Variants in TMEM132D observed in about 807,000 individuals in gnomAD.
The protein encoded by TMEM132D is transmembrane protein 132D, also known as mature OL transmembrane protein.
TMEM132D carries 21 observed loss-of-function variants against 62.3 expected under a neutral mutation model. That is an observed-to-expected ratio of 0.34 (90% confidence interval 0.24 to 0.49). The LOEUF (loss-of-function observed/expected upper bound fraction) is 0.49, where lower values mean the gene tolerates loss of function less well. Among genes scored for constraint, TMEM132D ranks in the 20% least tolerant of loss-of-function variants. TMEM132D has a pLI of 0.99. For missense variants in TMEM132D, 1,346 were observed against 1,402.8 expected (o/e 0.96, Z 0.65); for synonymous variants, 621 against 575.6 (o/e 1.08, Z -1.13).
At chr12:129,760,421 T>C (rs1470586077) in intron 1 of TMEM132D, among the ~76,000 whole-genome samples, 2 of 138,356 alleles carry the variant, frequency 1.4e-5, no homozygotes, top group Admixed American at 1.6e-4. Flanking sequence ...AAGCTCCGCC[T>C]CCCGGGTTCA....
At chr12:129,268,814 T>C (rs1880769050) in intron 4 of TMEM132D, among the ~76,000 whole-genome samples, 1 of 151,970 alleles carries the variant, frequency 6.6e-6, no homozygotes, top group African/African-American at 2.4e-5. Flanking sequence ...GTGGCACATA[T>C]ACACCATGGA....
Position 129,207,490 on chromosome 12 carries a change from G to T in TMEM132D, c.1443+2030C>A, listed in dbSNP as rs1210223690. 2.6e-5 allele frequency among the ~76,000 whole-genome samples: 4 copies of T among 152,210 alleles called. No individual in the cohort carries two copies. The South Asian group carries it at 6.2e-4, about 24-fold the overall frequency. ...TGCTGTGGGTGTCTGTGAAGATTTT[G>T]CTGACGCTGCTCAGAAAAGGCCTTG... is the stretch of plus-strand genomic sequence containing the variant. On this transcript the variant is annotated intron_variant, in intron 5 of 8. Coordinates refer to ENST00000422113, the MANE Select transcript of TMEM132D (RefSeq NM_133448.3).
chr12:129,278,548 T>C (rs2135607135), intron 4 of TMEM132D, among the ~76,000 whole-genome samples: 1 of 152,246 alleles, frequency 6.6e-6, no homozygotes, highest in South Asian at 2.1e-4. Context: ...AAGACAGAAC[T>C]CTTGACTGTC....
At chr12:129,213,914 G>C (rs6486440) in intron 4 of TMEM132D, among the ~76,000 whole-genome samples, 73,893 of 152,038 alleles carry the variant, frequency 0.49, 18,833 homozygotes, top group East Asian at 0.68. Context: ...TATCTCAATA[G>C]ATTGAAATCT....
At chr12:129,838,953 C>CT (rs576777558) in intron 1 of TMEM132D, among the ~76,000 whole-genome samples, 25,312 of 133,168 alleles carry the variant, frequency 0.19, 2,811 homozygotes, top group East Asian at 0.53. Flanking sequence ...ACTTAAAACT[C>CT]TTTTTTTTTT....
intron 2 of TMEM132D, among the ~76,000 whole-genome samples, chr12:129,656,292 A>AAAGGGAAGAGATG (rs374594241): frequency 0.24 from 36,003 of 150,458 alleles, 4,598 homozygotes; most frequent in Admixed American, 0.29. Flanking sequence ...AGGGAAGAGA[A>AAAGGGAAGAGATG]GGAAGGAGAG....
chr12:129,415,745 T>C (rs1278962271), intron 3 of TMEM132D, among the ~76,000 whole-genome samples: 11 of 152,222 alleles, frequency 7.2e-5, no homozygotes, highest in Admixed American at 7.2e-4. Context: ...TCACTGAGGA[T>C]GGCAGGGAGG....
intron 2 of TMEM132D, among the ~76,000 whole-genome samples, chr12:129,629,043 TCTCC>T (rs1406012575): frequency 1.3e-5 from 2 of 151,790 alleles, no homozygotes; most frequent in African/African-American, 4.8e-5. Context: ...CTATCCCTTC[TCTCC>T]CTCCATCTGT....
chr12:129,839,117 A>ATTGTTTTTT (rs1873098011), intron 1 of TMEM132D, among the ~76,000 whole-genome samples: 1 of 20,704 alleles, frequency 4.8e-5, no homozygotes, highest in Non-Finnish European at 8.4e-5. Flanking sequence ...CGCCTGGCTA[A>ATTGTTTTTT]TTTTTTTTTT....
intron 2 of TMEM132D, among the ~76,000 whole-genome samples, chr12:129,551,606 T>C (rs1022574186): frequency 1.3e-5 from 2 of 152,188 alleles, no homozygotes; most frequent in South Asian, 2.1e-4. Flanking sequence ...ATAGCGCCAA[T>C]CAGTTGGGGC....
intron 4 of TMEM132D, among the ~76,000 whole-genome samples, chr12:129,287,567 C>T (rs941797039): frequency 1.3e-5 from 2 of 152,182 alleles, no homozygotes; most frequent in South Asian, 2.1e-4. Flanking sequence ...AGTATCTCCA[C>T]ATTTATTTGA....
intron 2 of TMEM132D, among the ~76,000 whole-genome samples, chr12:129,658,996 G>T (rs780745442): frequency 6.6e-6 from 1 of 152,138 alleles, no homozygotes; most frequent in Non-Finnish European, 1.5e-5. Flanking sequence ...CAACTCCCGG[G>T]ATCAAGGGAT....
At chr12:129,241,142 T>C (rs1165369202) in intron 4 of TMEM132D, among the ~76,000 whole-genome samples, 1 of 129,904 alleles carries the variant, frequency 7.7e-6, no homozygotes, top group Non-Finnish European at 1.6e-5. Flanking sequence ...GCTTCAGCCC[T>C]CTTACCTCAA....
At position 129,311,197 on chromosome 12, in the gene TMEM132D, CAAAAAAAAAAAAAAAAAAAAAAAAAAA is replaced by C. The variant is rs60836498; in HGVS notation, c.1299+26410_1299+26436del. 2.7e-4 allele frequency among the ~76,000 whole-genome samples: 8 copies of C among 29,686 alleles called. 1 individual carries two copies. Among genetic ancestry groups the C allele is most frequent in the South Asian group, 3.1e-3 (1 of 320 alleles). The allele number at this position is 29,686 out of a possible 152,430, so 19.5% of individuals were successfully genotyped here. A position where few individuals can be genotyped will look rare whatever the true frequency, so the allele number is the denominator to read the frequency against. ...TGGGCGACAGAGCGAGACTCCGTCT[CAAAAAAAAAAAAAAAAAAAAAAAAAAA>C]AAAAAAAAAAAGGAACAGGACAGAA... On this transcript the variant is annotated intron_variant, in intron 4 of 8. Coordinates refer to ENST00000422113, the MANE Select transcript of TMEM132D (RefSeq NM_133448.3).
intron 1 of TMEM132D, among the ~76,000 whole-genome samples, chr12:129,747,299 T>A (rs1025141958): frequency 2.8e-5 from 3 of 105,266 alleles, no homozygotes; most frequent in Non-Finnish European, 6.3e-5. Context: ...TCAAGTTGAC[T>A]TTTCTTTGAT....
intron 2 of TMEM132D, among the ~76,000 whole-genome samples, chr12:129,621,202 G>T (rs1879057574): frequency 6.6e-6 from 1 of 151,942 alleles, no homozygotes; most frequent in Non-Finnish European, 1.5e-5. Context: ...GCACACTCAG[G>T]CTCCATCTTT....
At chr12:129,498,109 C>CA (rs577781543) in intron 3 of TMEM132D, among the ~76,000 whole-genome samples, 8 of 152,102 alleles carry the variant, frequency 5.3e-5, no homozygotes, top group Non-Finnish European at 1.0e-4. Context: ...CATGTGAACC[C>CA]AGAGAGTAAA....
chr12:129,423,706 T>C (rs1477864475), intron 3 of TMEM132D, among the ~76,000 whole-genome samples: 2 of 152,118 alleles, frequency 1.3e-5, no homozygotes, highest in African/African-American at 4.8e-5. Flanking sequence ...GACAGACCCT[T>C]AGAAAATGCC....
chr12:129,094,096 T>A (rs542577601), intron 5 of TMEM132D, among the ~76,000 whole-genome samples: 7 of 151,880 alleles, frequency 4.6e-5, no homozygotes, highest in Admixed American at 1.3e-4. Context: ...AAACCTAGGC[T>A]TTACCATTCA....
Sources: gnomAD v4.1 joint callset for allele counts (sites outside exome capture counted in the v4.1 genomes callset) on GRCh38, gnomAD v4.1.1 for gene constraint, MANE v1.5 for transcripts, NCBI Gene and HGNC (gene_info 2026-07-23, HGNC 2026-07-21) for gene names.